The following ATL1 variants were observed in gnomAD, a reference collection of about 807,000 sequenced individuals.
The protein encoded by ATL1 is atlastin-1.
ATL1 carries 31 observed loss-of-function variants against 75.5 expected under a neutral mutation model. The ratio of observed to expected loss-of-function variants is 0.41; its 90% CI spans 0.31 to 0.55. The LOEUF (loss-of-function observed/expected upper bound fraction) is 0.55. ATL1 is among the 20% of genes least tolerant of loss of function. The probability of loss-of-function intolerance (pLI) is 0.27; values close to 1 mark genes in which losing one functional copy is unlikely to be tolerated. For missense variants in ATL1, 405 were observed against 662.6 expected (o/e 0.61, Z 4.27); for synonymous variants, 226 against 233.3 (o/e 0.97, Z 0.28).
intron 1 of ATL1, among the ~76,000 whole-genome samples, chr14:50,548,672 G>C (rs555865348): frequency 1.3e-5 from 2 of 152,214 alleles, no homozygotes; most frequent in Non-Finnish European, 2.9e-5. Context: ...GCCACGCCCA[G>C]CTAATTTTTT....
chr14:50,613,240 C>T lies in ATL1; in HGVS notation c.631-19C>T. On this transcript the variant is annotated intron_variant, in intron 6 of 13. Coordinates refer to ENST00000358385, the MANE Select transcript of ATL1 (RefSeq NM_015915.5). Reference sequence around the variant, plus strand: ...GCACCTTAAAGTCCTCATATCAATCCTTTCTTATTATTTTTTAGAGTCTGA... The same window carrying T: ...GCACCTTAAAGTCCTCATATCAATCTTTTCTTATTATTTTTTAGAGTCTGA... 6.3e-7 allele frequency: 1 copy of T among 1,591,522 alleles called. No individual in the cohort carries two copies. The highest frequency in any genetic ancestry group is 8.6e-7 in the Non-Finnish European group (1 of 1,160,690).
chr14:50,612,984 G>A (rs1338456604), intron 6 of ATL1, among the ~76,000 whole-genome samples: 1 of 152,038 alleles, frequency 6.6e-6, no homozygotes, highest in East Asian at 1.9e-4. Context: ...CTCCATTCAG[G>A]CAGTTTGGGA....
At chr14:50,597,748 G>A (rs550939638) in intron 6 of ATL1, among the ~76,000 whole-genome samples, 2 of 152,232 alleles carry the variant, frequency 1.3e-5, no homozygotes, top group African/African-American at 2.4e-5. Flanking sequence ...AGGCTGGAGT[G>A]CAGTGGTGCG....
chr14:50,536,737 C>T (rs1331722356), intron 1 of ATL1, among the ~76,000 whole-genome samples: 1 of 152,172 alleles, frequency 6.6e-6, no homozygotes, highest in African/African-American at 2.4e-5. Flanking sequence ...TTAGCAAAGA[C>T]ACTGGTGGCA....
intron 1 of ATL1, among the ~76,000 whole-genome samples, chr14:50,551,627 C>CA (rs1326591519): frequency 6.6e-6 from 1 of 151,972 alleles, no homozygotes; most frequent in African/African-American, 2.4e-5. Context: ...AAAATTGTAA[C>CA]AAAATACTAG....
chr14:50,596,391 C>T, intron 6 of ATL1, among the ~76,000 whole-genome samples: 1 of 152,014 alleles, frequency 6.6e-6, no homozygotes, highest in East Asian at 1.9e-4. Context: ...ATAAGTAAAT[C>T]CACTGAAACA....
At chr14:50,614,292 A>C in intron 7 of ATL1, 81 bp from the exon 8 acceptor site, 1 of 1,461,482 alleles carries the variant, frequency 6.8e-7, no homozygotes, top group Non-Finnish European at 9.6e-7. Context: ...CCAAACAGAC[A>C]TAGCAAATAT....
intron 12 of ATL1, among the ~76,000 whole-genome samples, chr14:50,629,239 C>T (rs1426274804): frequency 6.6e-6 from 1 of 152,060 alleles, no homozygotes; most frequent in African/African-American, 2.4e-5. Flanking sequence ...TTCAGATTGT[C>T]TCTGTACCTG....
chr14:50,630,819 C>T (rs2039572408), intron 13 of ATL1: 1 of 343,446 alleles, frequency 2.9e-6, no homozygotes, highest in Non-Finnish European at 5.7e-6. Flanking sequence ...CAAATTTCAG[C>T]TTTGTAAATC....
intron 1 of ATL1, among the ~76,000 whole-genome samples, chr14:50,572,424 G>T (rs1280897867): frequency 6.6e-6 from 1 of 152,018 alleles, no homozygotes; most frequent in Non-Finnish European, 1.5e-5. Flanking sequence ...TTCTTCTTGA[G>T]TCAGTTTTAG....
chr14:50,628,114 A>T lies in ATL1; in HGVS notation c.1203A>T (p.Leu401=), dbSNP rs1277114356. Residue 401 remains leucine (L), a synonymous_variant, in exon 12 of 14, where the codon CTA becomes CTT. Transcript: ENST00000358385. ...HLQLKEESVK[L]FRGVKKMGGE... is the part of the protein sequence containing the mutation. ...AACTTAAGGAAGAATCTGTGAAGCT[A>T]TTCCGAGGGGTGAAGAAGATGGGTG... 4 of 1,614,092 alleles carry T rather than the reference A, an allele frequency of 2.5e-6. No individual in the cohort carries two copies. Among genetic ancestry groups the T allele is most frequent in the African/African-American group, 1.3e-5 (1 of 74,934 alleles).
intron 10 of ATL1, among the ~76,000 whole-genome samples, chr14:50,622,354 C>T (rs2039475377): frequency 6.6e-6 from 1 of 151,824 alleles, no homozygotes; most frequent in African/African-American, 2.4e-5. Flanking sequence ...CATAGTGAGA[C>T]CTCATATCTA....
intron 1 of ATL1, among the ~76,000 whole-genome samples, chr14:50,548,774 T>C (rs1321622738): frequency 2.0e-5 from 3 of 152,122 alleles, no homozygotes; most frequent in Non-Finnish European, 4.4e-5. Context: ...CCTCCCAAAG[T>C]ACTGGGATTA....
At chr14:50,580,706 G>A (rs1196555340) in intron 1 of ATL1, among the ~76,000 whole-genome samples, 2 of 152,046 alleles carry the variant, frequency 1.3e-5, no homozygotes, top group Non-Finnish European at 2.9e-5. Flanking sequence ...TGGTATCAGA[G>A]TTAGTCTGAC....
chr14:50,601,665 C>T (rs1206716691), intron 6 of ATL1, among the ~76,000 whole-genome samples: 1 of 152,176 alleles, frequency 6.6e-6, no homozygotes, highest in Non-Finnish European at 1.5e-5. Context: ...GTATAGAGTT[C>T]TCTAAGTGAC....
In ATL1 at chr14:50,590,952, T is replaced by C. The variant is rs1220023514; in HGVS notation, c.294T>C (p.Asp98=). The change falls in exon 3 of 14, where the codon GAT becomes GAC. Residue 98 remains aspartate, a synonymous_variant. Transcript: ENST00000358385. ...TTATCATTTTATAGGAATCAGTTGA[T>C]TGGGTTGGAGACTACAATGAACCAT... ...LRYMYNQESV[D]WVGDYNEPLT... 1 of 1,613,834 alleles carries C rather than the reference T, an allele frequency of 6.2e-7. No individual in the cohort carries two copies.
intron 6 of ATL1, among the ~76,000 whole-genome samples, chr14:50,606,263 A>C (rs2039316378): frequency 6.6e-6 from 1 of 151,960 alleles, no homozygotes; most frequent in Non-Finnish European, 1.5e-5. Context: ...TTATTCTTAC[A>C]TGTCCAAAGT....
At chr14:50,624,957 T>C (rs747992231) in intron 11 of ATL1, among the ~76,000 whole-genome samples, 5 of 149,016 alleles carry the variant, frequency 3.4e-5, no homozygotes, top group Non-Finnish European at 7.6e-5. Context: ...ATAGTCCCAG[T>C]TACTTGGGAG....
chr14:50,613,261 T>C lies in ATL1; in HGVS notation c.633T>C (p.Ser211=), dbSNP rs141454143. ...AATCCTTTCTTATTATTTTTTAGAG[T>C]CTGATATTTCTTGTTCGAGACTGGA... ...MEETFLKPFQ[S]LIFLVRDWSF... Residue 211 remains serine, a splice_region_variant and synonymous_variant, in exon 7 of 14, where the codon AGT becomes AGC. Transcript: ENST00000358385. 5.0e-6 allele frequency: 8 copies of C among 1,610,984 alleles called. No individual in the cohort carries two copies. Among genetic ancestry groups the C allele is most frequent in the Non-Finnish European group, 6.8e-6 (8 of 1,177,944 alleles).
Sources: gnomAD v4.1 joint callset for allele counts (sites outside exome capture counted in the v4.1 genomes callset) on GRCh38, gnomAD v4.1.1 for gene constraint, MANE v1.5 for transcripts, NCBI Gene and HGNC (gene_info 2026-07-23, HGNC 2026-07-21) for gene names.